USP24: variants seen among roughly 807,000 people sequenced by gnomAD.
USP24 encodes ubiquitin specific peptidase 24.
A neutral mutation model predicts 361.6 loss-of-function variants in USP24; 97 were observed. That is an observed-to-expected ratio of 0.27 (90% CI 0.23 to 0.32). The LOEUF is 0.32. Ranked by LOEUF, USP24 falls within the 10% of genes least tolerant of loss-of-function variation. The pLI is 1.00. For synonymous variants in USP24, 1,098 were observed against 1,124.6 expected (o/e 0.98, Z 0.47); for missense variants, 2,353 against 3,165.6 (o/e 0.74, Z 6.16).
In USP24 at chr1:55,067,695, A is replaced by ATTAG. The variant is rs1215890025; in HGVS notation, c.*1349_*1350insCTAA. 2.0e-5 allele frequency: 3 copies of ATTAG among 152,216 alleles called. No individual in the cohort carries two copies. Among genetic ancestry groups the ATTAG allele is most frequent in the African/African-American group, 7.2e-5 (3 of 41,450 alleles). The allele number at this position is 152,216 out of a possible 1,614,324, so 9.4% of individuals were successfully genotyped here. A position where few individuals can be genotyped will look rare whatever the true frequency, so the allele number is the denominator to read the frequency against. On this transcript the variant is annotated 3_prime_UTR_variant, in exon 68 of 68. Coordinates refer to ENST00000294383, the MANE Select transcript of USP24 (RefSeq NM_015306.3). ...GACAGTGAAAACCTGGCACTTCCTA[A>ATTAG]GGCTCCCTAGTTCTGTGCATGGTGA...
At chr1:55,134,006 G>T in intron 30 of USP24, 64 bp downstream of exon 30, 1 of 1,365,884 alleles carries the variant, frequency 7.3e-7, no homozygotes, top group Non-Finnish European at 1.0e-6. Context: ...TGTGATTTCA[G>T]GTTGTATTTT....
intron 16 of USP24, among the ~76,000 whole-genome samples, chr1:55,149,036 G>T (rs888999566): frequency 6.6e-6 from 1 of 152,138 alleles, no homozygotes; most frequent in African/African-American, 2.4e-5. Flanking sequence ...ACTGGTAGTG[G>T]TCTAAATATT....
chr1:55,123,437 T>C lies in USP24; in HGVS notation c.4276+10A>G. 6.4e-7 allele frequency: 1 copy of C among 1,571,564 alleles called. No homozygotes were observed. The highest frequency in any genetic ancestry group is 1.2e-5 in the South Asian group (1 of 82,718). ...GAAAGAGATTAATCACAAACAAGCC[T>C]CCAGCATACCCAGTTGCTGGCTCCG... On this transcript the variant is annotated intron_variant, in intron 36 of 67. Transcript: ENST00000294383.
intron 46 of USP24, 105 bp from the exon 47 acceptor site, chr1:55,098,189 A>T (rs1388031319): frequency 1.1e-5 from 15 of 1,320,146 alleles, no homozygotes; most frequent in Non-Finnish European, 1.5e-5. Context: ...TTAATCTGGG[A>T]GTCCCTCAAT....
intron 5 of USP24, among the ~76,000 whole-genome samples, chr1:55,166,902 C>G (rs1160954900): frequency 6.6e-6 from 1 of 152,038 alleles, no homozygotes; most frequent in Non-Finnish European, 1.5e-5. Flanking sequence ...GAGTTAAATT[C>G]TCCAAAAAAG....
chr1:55,124,366 G>A (rs1296266154), intron 35 of USP24, 103 bp downstream of exon 35: 8 of 1,372,870 alleles, frequency 5.8e-6, no homozygotes, highest in Non-Finnish European at 7.9e-6. Flanking sequence ...ACAAGCAAGA[G>A]AAGAGGGTCT....
intron 1 of USP24, among the ~76,000 whole-genome samples, chr1:55,192,171 C>A: frequency 6.6e-6 from 1 of 152,112 alleles, no homozygotes; most frequent in Middle Eastern, 3.4e-3. Flanking sequence ...AGAAAAAGTA[C>A]CCTTATTTTT....
intron 4 of USP24, 97 bp downstream of exon 4, chr1:55,172,280 A>T (rs192185635): frequency 1.6e-5 from 19 of 1,168,838 alleles, no homozygotes; most frequent in Non-Finnish European, 1.1e-6. Context: ...CCTTAACGAT[A>T]AAATTATTAT....
intron 1 of USP24, among the ~76,000 whole-genome samples, chr1:55,185,957 A>T (rs1644119463): frequency 3.3e-5 from 5 of 152,340 alleles, no homozygotes; most frequent in African/African-American, 7.2e-5. Context: ...TAACCCAGGT[A>T]AAATGAACAT....
chr1:55,213,083 A>T (rs981464301), intron 1 of USP24, among the ~76,000 whole-genome samples: 7 of 151,220 alleles, frequency 4.6e-5, no homozygotes, highest in African/African-American at 1.7e-4. Flanking sequence ...TTTCTCACAT[A>T]ATGAGGATAC....
chr1:55,143,261 A>G lies in USP24; in HGVS notation c.2440-142T>C, dbSNP rs1037437248. The G allele has an allele frequency of 2.6e-5, 16 of 626,364 alleles. No individual in the cohort carries two copies. In the African/African-American group the frequency reaches 2.9e-4, roughly 11 times the overall value. The allele number at this position is 626,364 out of a possible 1,614,324, so 38.8% of individuals were successfully genotyped here. On this transcript the variant is annotated intron_variant, in intron 21 of 67. Transcript: ENST00000294383. ...AAGGCTGCAAAACCTCAGCTATATGAAAATAATATTATACTGATATGGAAC... is the reference window on the plus strand; with the variant it reads ...AAGGCTGCAAAACCTCAGCTATATGGAAATAATATTATACTGATATGGAAC...
intron 1 of USP24, among the ~76,000 whole-genome samples, chr1:55,193,491 C>A (rs78802893): frequency 2.0e-5 from 3 of 152,108 alleles, no homozygotes; most frequent in Non-Finnish European, 2.9e-5. Context: ...ACATACAGAT[C>A]ATCGATTCCA....
chr1:55,067,704 A>C lies in USP24; in HGVS notation c.*1341T>G, dbSNP rs1376234032. 1 of 152,228 alleles carries C rather than the reference A, an allele frequency of 6.6e-6. No homozygotes were observed. The highest frequency in any genetic ancestry group is 2.4e-5 in the African/African-American group (1 of 41,452). The allele number at this position is 152,228 out of a possible 1,614,324, so 9.4% of individuals were successfully genotyped here. The stretch of plus-strand genomic sequence containing the variant: ...AACCTGGCACTTCCTAAGGCTCCCT[A>C]GTTCTGTGCATGGTGAGATGAAAAT... On this transcript the variant is annotated 3_prime_UTR_variant, in exon 68 of 68. Transcript: ENST00000294383.
At chr1:55,117,304 T>C (rs1049530409) in intron 38 of USP24, among the ~76,000 whole-genome samples, 1 of 152,176 alleles carries the variant, frequency 6.6e-6, no homozygotes, top group African/African-American at 2.4e-5. Context: ...CTATTCAACG[T>C]AGTATTGAAG....
intron 38 of USP24, among the ~76,000 whole-genome samples, chr1:55,114,213 C>T (rs1157986679): frequency 2.0e-5 from 3 of 152,124 alleles, no homozygotes; most frequent in South Asian, 4.2e-4. Flanking sequence ...TCAAGGAGAA[C>T]TACAAACCAC....
At chr1:55,097,278 AG>A in intron 48 of USP24, 106 bp from the exon 49 acceptor site, 4 of 1,255,698 alleles carry the variant, frequency 3.2e-6, no homozygotes, top group Non-Finnish European at 4.4e-6. Context: ...AGTTTAAGCT[AG>A]GAACAACTAC....
chr1:55,106,260 GA>G lies in USP24; in HGVS notation c.4765del (p.Ser1589HisfsTer8). The G allele has an allele frequency of 6.3e-7, 1 of 1,595,680 alleles. No individual in the cohort carries two copies. The highest frequency in any genetic ancestry group is 8.6e-7 in the Non-Finnish European group (1 of 1,163,426). ...LCGAEKEMLG[S>X]SLIKPLLDDF... The stretch of plus-strand genomic sequence containing the variant: ...ATCTAACAATGGTTTAATGAGTGAT[GA>G]ACCTGGAATAGAGCATAATATTCAT... On this transcript the variant is annotated frameshift_variant and splice_region_variant, in exon 41 of 68. Transcript: ENST00000294383. LOFTEE classifies it high-confidence loss of function.
intron 1 of USP24, among the ~76,000 whole-genome samples, chr1:55,178,473 C>T (rs1432646900): frequency 2.0e-5 from 3 of 151,678 alleles, no homozygotes; most frequent in East Asian, 2.0e-4. Context: ...TCGAGACCAT[C>T]GTGGCTAACA....
intron 28 of USP24, among the ~76,000 whole-genome samples, chr1:55,134,626 C>T (rs142566285): frequency 0.012 from 1,815 of 152,260 alleles, 40 homozygotes; most frequent in African/African-American, 0.042. Flanking sequence ...TACTTGCTCT[C>T]CCTTCTCCTG....
Sources: gnomAD v4.1 joint callset for allele counts (sites outside exome capture counted in the v4.1 genomes callset) on GRCh38, gnomAD v4.1.1 for gene constraint, MANE v1.5 for transcripts, NCBI Gene and HGNC (gene_info 2026-07-23, HGNC 2026-07-21) for gene names.